Variants in ATP6V1E1 observed in about 807,000 individuals in gnomAD.
ATP6V1E1 encodes V-type proton ATPase subunit E 1.
Under a neutral mutation model 35.2 loss-of-function variants are expected in ATP6V1E1, and 21 were observed. That is an observed-to-expected ratio of 0.60 (90% confidence interval 0.42 to 0.86). The LOEUF is 0.86. ATP6V1E1 is among the 40% of genes least tolerant of loss of function. ATP6V1E1 has a pLI of 0.00. For synonymous variants in ATP6V1E1, 83 were observed against 87.8 expected (o/e 0.95, Z 0.30); for missense variants, 183 against 272.6 (o/e 0.67, Z 2.32).
chr22:17,616,715 A>G (rs1312647564), intron 2 of ATP6V1E1, among the ~76,000 whole-genome samples: 4 of 151,548 alleles, frequency 2.6e-5, no homozygotes, highest in African/African-American at 9.7e-5. Context: ...ATTTCCTGAA[A>G]TAATAGCTGA....
At chr22:17,594,695 G>T in intron 7 of ATP6V1E1, 79 bp from the exon 8 acceptor site, 1 of 1,214,464 alleles carries the variant, frequency 8.2e-7, no homozygotes, top group Non-Finnish European at 1.1e-6. Context: ...TCCCGCAGAG[G>T]AATGCCCTTG....
rs904146976 is a variant in ATP6V1E1, at chr22:17,598,183, A to G, written c.530+11T>C. 3 of 1,600,058 alleles carry G rather than the reference A, an allele frequency of 1.9e-6. No homozygotes were observed. In the African/African-American group the frequency reaches 4.0e-5, roughly 21 times the overall value. On this transcript the variant is annotated intron_variant, in intron 7 of 8. Coordinates refer to ENST00000253413, the MANE Select transcript of ATP6V1E1 (RefSeq NM_001696.4). ...GAGAAGGTAGCTGTTAGCAGCAGGA[A>G]TACTCCTTACATGTCTTCAGGCAGG... is the stretch of plus-strand genomic sequence containing the variant.
intron 4 of ATP6V1E1, among the ~76,000 whole-genome samples, chr22:17,605,225 A>AAAG (rs2057780599): frequency 1.4e-5 from 2 of 140,478 alleles, no homozygotes; most frequent in African/African-American, 5.5e-5. Flanking sequence ...AAAAAAAAAG[A>AAAG]AAAGAAAAGA....
chr22:17,619,452 G>C lies in ATP6V1E1; in HGVS notation c.99+9C>G. The C allele has an allele frequency of 6.3e-7, 1 of 1,596,546 alleles. No homozygotes were observed. Among genetic ancestry groups the C allele is most frequent in the Middle Eastern group, 1.8e-4 (1 of 5,510 alleles). ...TGATAACTTCTTAAAACTAGAAAAT[G>C]AATCTCACCTTTGCATCTATTTCTT... is the stretch of plus-strand genomic sequence containing the variant. On this transcript the variant is annotated intron_variant, in intron 2 of 8. Transcript: ENST00000253413.
intron 4 of ATP6V1E1, among the ~76,000 whole-genome samples, chr22:17,606,751 T>C (rs1181862669): frequency 1.3e-5 from 2 of 152,234 alleles, no homozygotes; most frequent in African/African-American, 2.4e-5. Flanking sequence ...TCTGCCTTCA[T>C]CAGTCCAATG....
intron 1 of ATP6V1E1, among the ~76,000 whole-genome samples, chr22:17,621,680 C>T (rs1175074867): frequency 6.6e-6 from 1 of 152,170 alleles, no homozygotes; most frequent in Non-Finnish European, 1.5e-5. Flanking sequence ...CCATACTAAA[C>T]TTATTTCAGT....
intron 4 of ATP6V1E1, among the ~76,000 whole-genome samples, chr22:17,606,440 TTTACAGGG>T (rs1338391554): frequency 2.0e-5 from 3 of 152,140 alleles, no homozygotes; most frequent in African/African-American, 7.2e-5. Context: ...ACATCTCTTA[TTTACAGGG>T]TTCAATGACG....
chr22:17,619,001 A>G (rs2057861119), intron 2 of ATP6V1E1: 13 of 453,130 alleles, frequency 2.9e-5, no homozygotes, highest in South Asian at 2.0e-4. Flanking sequence ...CTGTCTCAAA[A>G]TGAAAGAAGG....
chr22:17,624,505 G>A (rs2057893747), intron 1 of ATP6V1E1, among the ~76,000 whole-genome samples: 1 of 152,098 alleles, frequency 6.6e-6, no homozygotes, highest in South Asian at 2.1e-4. Context: ...AGTGAGCTGA[G>A]ATCACGCCAT....
At chr22:17,600,870 TG>T (rs1397930244) in intron 5 of ATP6V1E1, 5 of 357,794 alleles carry the variant, frequency 1.4e-5, no homozygotes, top group Non-Finnish European at 2.5e-5. Context: ...GTAGTAGGCC[TG>T]GAAGTCTTAT....
intron 8 of ATP6V1E1, among the ~76,000 whole-genome samples, chr22:17,593,700 A>G (rs2057716566): frequency 6.6e-6 from 1 of 152,248 alleles, no homozygotes; most frequent in African/African-American, 2.4e-5. Flanking sequence ...TGCTTTAGTT[A>G]TAAGACAAGT....
At position 17,613,197 on chromosome 22, in the gene ATP6V1E1, C is replaced by T; in HGVS notation, c.209+14G>A. On this transcript the variant is annotated intron_variant, in intron 3 of 8. Transcript: ENST00000253413. ...AAACTTCTTAGCTTAATACTGCAAC[C>T]AGGATCTACTTACATTTTCTTCTGC... 2 of 1,604,430 alleles carry T rather than the reference C, an allele frequency of 1.2e-6. No individual in the cohort carries two copies. The highest frequency in any genetic ancestry group is 1.7e-6 in the Non-Finnish European group (2 of 1,173,968).
At chr22:17,605,554 C>T (rs1473014942) in intron 4 of ATP6V1E1, among the ~76,000 whole-genome samples, 1 of 151,932 alleles carries the variant, frequency 6.6e-6, no homozygotes, top group Non-Finnish European at 1.5e-5. Flanking sequence ...AAAAAGAAAA[C>T]TTGTAAGTTT....
intron 4 of ATP6V1E1, among the ~76,000 whole-genome samples, chr22:17,605,732 C>G (rs1057064742): frequency 8.3e-6 from 1 of 119,856 alleles, no homozygotes; most frequent in Non-Finnish European, 1.6e-5. Context: ...GGGCATTGCT[C>G]TGTCATCCAG....
intron 4 of ATP6V1E1, among the ~76,000 whole-genome samples, chr22:17,612,331 C>T (rs1446244178): frequency 6.6e-6 from 1 of 152,190 alleles, no homozygotes; most frequent in Non-Finnish European, 1.5e-5. Context: ...TTTCTGCCCT[C>T]TTCCTTAGAG....
intron 4 of ATP6V1E1, among the ~76,000 whole-genome samples, chr22:17,606,080 C>G (rs2895944): frequency 0.42 from 63,488 of 151,882 alleles, 15,104 homozygotes; most frequent in African/African-American, 0.65. Context: ...ATTCCAAAGC[C>G]TGCACTCTTA....
chr22:17,603,881 T>C (rs955268343), intron 4 of ATP6V1E1, among the ~76,000 whole-genome samples: 2 of 152,096 alleles, frequency 1.3e-5, no homozygotes, highest in African/African-American at 4.8e-5. Context: ...AATCACCCTA[T>C]CCACACTGGT....
rs1394831536 is a variant in ATP6V1E1 at position 17,612,839 on chromosome 22, G to A, written c.249C>T (p.Val83=). ...SNLMNQARLK[V]LRARDDLITD... Reference sequence around the variant, plus strand: ...TGATAAGGTCATCTCTTGCTCTGAGGACTTTGAGTCTCGCTTGATTCATCA... The same window carrying A: ...TGATAAGGTCATCTCTTGCTCTGAGAACTTTGAGTCTCGCTTGATTCATCA... Residue 83 remains valine, a synonymous_variant, in exon 4 of 9, where the codon GTC becomes GTT. Coordinates refer to ENST00000253413, the MANE Select transcript of ATP6V1E1 (RefSeq NM_001696.4). 1.9e-6 allele frequency: 3 copies of A among 1,609,252 alleles called. No individual in the cohort carries two copies.
rs751970094 is a variant in ATP6V1E1, at chr22:17,619,482, T to C, written c.78A>G (p.Lys26=). 5 of 1,606,014 alleles carry C rather than the reference T, an allele frequency of 3.1e-6. No homozygotes were observed. The highest frequency in any genetic ancestry group is 3.4e-5 in the Admixed American group (2 of 59,114). ...MAFIEQEANE[K]AEEIDAKAEE... ...TCACCTTTGCATCTATTTCTTCTGC[T>C]TTCTCATTGGCTTCTTGTTCAATGA... The change falls in exon 2 of 9, where the codon AAA becomes AAG. Residue 26 remains lysine, a synonymous_variant. Transcript: ENST00000253413.
Sources: allele counts gnomAD v4.1 joint callset (sites outside exome capture counted in the v4.1 genomes callset), GRCh38; gene constraint gnomAD v4.1.1; transcripts MANE v1.5; gene names NCBI Gene and HGNC (gene_info 2026-07-23, HGNC 2026-07-21).